Variants in DOCK7 observed in about 807,000 individuals in gnomAD.
DOCK7 encodes the protein dedicator of cytokinesis 7, also known as dedicator of cytokinesis protein 7.
In DOCK7, 138 loss-of-function variants were observed where a neutral mutation model predicts 271.0. The observed-to-expected ratio is 0.51, with a 90% CI of 0.44 to 0.59. The LOEUF (loss-of-function observed/expected upper bound fraction) is 0.59, where lower values mean the gene tolerates loss of function less well. Ranked by LOEUF, DOCK7 falls within the 20% of genes least tolerant of loss-of-function variation. The pLI is 0.00. For synonymous variants in DOCK7, 823 were observed against 876.1 expected, an observed-to-expected ratio of 0.94 and a Z score of 1.07; for missense variants, 2,066 against 2,592.4, an observed-to-expected ratio of 0.80 and a Z score of 4.41.
At chr1:62,539,040 G>A (rs1315954707) in intron 27 of DOCK7, among the ~76,000 whole-genome samples, 1 of 152,170 alleles carries the variant, frequency 6.6e-6, no homozygotes, top group East Asian at 1.9e-4. Context: ...AGCTATGTTT[G>A]GAAAAGTTCC....
At chr1:62,647,928 T>C in intron 6 of DOCK7, 152 bp from the exon 7 acceptor site, 1 of 821,140 alleles carries the variant, frequency 1.2e-6, no homozygotes, top group Non-Finnish European at 1.9e-6. Context: ...AGAAGTCATT[T>C]GATTATAACT....
chr1:62,678,331 C>A (rs1305807552), intron 1 of DOCK7, among the ~76,000 whole-genome samples: 6 of 152,016 alleles, frequency 3.9e-5, no homozygotes, highest in Non-Finnish European at 8.8e-5. Flanking sequence ...ATATGGTTGT[C>A]TACACAGAAA....
At chr1:62,473,431 T>C (rs1323452438) in intron 48 of DOCK7, among the ~76,000 whole-genome samples, 1 of 152,224 alleles carries the variant, frequency 6.6e-6, no homozygotes, top group East Asian at 1.9e-4. Context: ...TAAAATTTCC[T>C]GAGCCTTGGC....
At chr1:62,611,426 C>T (rs1055631859) in intron 14 of DOCK7, among the ~76,000 whole-genome samples, 30 of 152,150 alleles carry the variant, frequency 2.0e-4, no homozygotes, top group Non-Finnish European at 3.4e-4. Flanking sequence ...ATCCAAAATG[C>T]TTCAACGAGA....
At chr1:62,663,195 T>C in intron 1 of DOCK7, 65 bp from the exon 2 acceptor site, 1 of 1,238,568 alleles carries the variant, frequency 8.1e-7, no homozygotes, top group Non-Finnish European at 1.1e-6. Flanking sequence ...TAGTTTAAAA[T>C]GGAGGGAAGC....
At chr1:62,633,791 A>G (rs1426668893) in intron 9 of DOCK7, 1 of 486,418 alleles carries the variant, frequency 2.1e-6, no homozygotes, top group Non-Finnish European at 3.7e-6. Context: ...CTACCATAAT[A>G]AAGGCCATAT....
intron 18 of DOCK7, 52 bp downstream of exon 18, chr1:62,577,210 T>TA: frequency 8.4e-7 from 1 of 1,189,894 alleles, no homozygotes; most frequent in Non-Finnish European, 1.1e-6. Context: ...ATCTTTATAG[T>TA]AAAAAACCCA....
rs565279036 is a variant in DOCK7 at position 62,687,916 on chromosome 1, A to G, written c.38+311T>C. Reference sequence around the variant, plus strand: ...GGGAAGCGGCCGACCGCCCTTCCATAAACCTCCGCAGAAGTCCAGGCCCGG... The same window carrying G: ...GGGAAGCGGCCGACCGCCCTTCCATGAACCTCCGCAGAAGTCCAGGCCCGG... On this transcript the variant is annotated intron_variant, in intron 1 of 49. Coordinates refer to ENST00000635253, the MANE Select transcript of DOCK7 (RefSeq NM_001367561.1). Among the ~76,000 whole-genome samples the G allele has an allele frequency of 1.8e-3, 272 of 152,276 alleles. 2 individuals carry two copies. Among genetic ancestry groups the G allele is most frequent in the African/African-American group, 5.9e-3 (246 of 41,584 alleles).
Position 62,648,462 on chromosome 1 carries a change from A to G in DOCK7, c.472T>C (p.Phe158Leu). Reference sequence around the variant, plus strand: ...CCATCTGGAGCTTCATCAGATTCAAAAACTTGTTTTGGCAAACCTTTTTGC... The same window carrying G: ...CCATCTGGAGCTTCATCAGATTCAAGAACTTGTTTTGGCAAACCTTTTTGC... Reference protein sequence around the residue: ...ERQKGLPKQVFESDEAPDGNS... With the variant: ...ERQKGLPKQVLESDEAPDGNS... Residue 158 changes from phenylalanine to leucine, a missense_variant, in exon 5 of 50, where the codon TTT becomes CTT. This residue lies in a region of DOCK7 where 1,414 missense variants were observed against 1,670.4 expected (regional missense o/e 0.85). Coordinates refer to ENST00000635253, the MANE Select transcript of DOCK7 (RefSeq NM_001367561.1). The G allele has an allele frequency of 5.8e-6, 9 of 1,547,740 alleles. No individual in the cohort carries two copies. The highest frequency in any genetic ancestry group is 5.2e-6 in the Non-Finnish European group (6 of 1,144,980).
rs1323643844 is a variant in DOCK7 at position 62,538,065 on chromosome 1, G to A, written c.3301-4C>T. 1.2e-6 allele frequency: 2 copies of A among 1,612,122 alleles called. No individual in the cohort carries two copies. The highest frequency in any genetic ancestry group is 3.3e-5 in the Admixed American group (2 of 59,840). On this transcript the variant is annotated splice_region_variant and splice_polypyrimidine_tract_variant and intron_variant, in intron 27 of 49. Transcript: ENST00000635253. ...ATGAGTAAAGCTTTGAAGACACCTT[G>A]TAAGCAATGCATAAGTAAGAGAACA... is the stretch of plus-strand genomic sequence containing the variant.
At chr1:62,584,741 C>T in intron 15 of DOCK7, 1 of 891,202 alleles carries the variant, frequency 1.1e-6, no homozygotes, top group Non-Finnish European at 1.8e-6. Flanking sequence ...CCTCAAGGAG[C>T]TCACAATCTA....
At chr1:62,551,058 A>C (rs534169225) in intron 22 of DOCK7, among the ~76,000 whole-genome samples, 1 of 152,168 alleles carries the variant, frequency 6.6e-6, no homozygotes, top group African/African-American at 2.4e-5. Flanking sequence ...ACAGACATTA[A>C]GCTGGCTAAG....
Position 62,475,260 on chromosome 1 carries a change from G to C in DOCK7, c.6053C>G (p.Pro2018Arg). The C allele has an allele frequency of 6.2e-7, 1 of 1,613,902 alleles. No homozygotes were observed. Among genetic ancestry groups the C allele is most frequent in the Non-Finnish European group, 8.5e-7 (1 of 1,179,918 alleles). Reference sequence around the variant, plus strand: ...CTGGAGTACCATCTGAAGCATTTTGGGGTCTGCGGGATCCTGATGTGTTGC... The same window carrying C: ...CTGGAGTACCATCTGAAGCATTTTGCGGTCTGCGGGATCCTGATGTGTTGC... ...AFATHQDPAD[P>R]KMLQMVLQGS... Residue 2018 changes from proline to arginine, a missense_variant, in exon 47 of 50, where the codon CCC becomes CGC. By Grantham distance (103) the Pro-to-Arg change is moderately radical. Around this residue, in one of 2 missense-constraint regions of DOCK7, gnomAD observed 652 missense variants for 922.1 expected, o/e 0.71. Transcript: ENST00000635253.
chr1:62,464,953 G>A (rs1377128645), intron 48 of DOCK7, among the ~76,000 whole-genome samples: 1 of 152,142 alleles, frequency 6.6e-6, no homozygotes, highest in Non-Finnish European at 1.5e-5. Context: ...TAAAGTATAT[G>A]AAGATACTAG....
chr1:62,555,975 C>T lies in DOCK7; in HGVS notation c.2446G>A (p.Ala816Thr), dbSNP rs775810513. ...ATTGATGCCATGGCTTCAAAAGATG[C>T]TTGACCTAGGTTAACTTTTAAGAAA... is the stretch of plus-strand genomic sequence containing the variant. ...IAGQIVNLGQ[A>T]SFEAMASIIN... The change falls in exon 21 of 50, where the codon GCA becomes ACA. Residue 816 changes from alanine (A) to threonine (T), a missense_variant. By Grantham distance (58) the Ala-to-Thr change is moderately conservative. Transcript: ENST00000635253. The T allele has an allele frequency of 1.9e-6, 3 of 1,613,490 alleles. No individual in the cohort carries two copies. In the Admixed American group the frequency reaches 5.0e-5, roughly 27 times the overall value.
intron 4 of DOCK7, 72 bp downstream of exon 4, chr1:62,653,653 T>C (rs1050389334): frequency 2.0e-6 from 2 of 1,001,728 alleles, no homozygotes; most frequent in Non-Finnish European, 3.1e-6. Context: ...TCATAAACAT[T>C]ACGAATCTGC....
intron 1 of DOCK7, among the ~76,000 whole-genome samples, chr1:62,669,605 C>T (rs1659700873): frequency 6.6e-6 from 1 of 152,234 alleles, no homozygotes; most frequent in Non-Finnish European, 1.5e-5. Context: ...TTGTGATAAC[C>T]AAGCAATACC....
Position 62,553,346 on chromosome 1 carries a change from ATATATATATTTTTTTTTTTTTTTTTTT to A in DOCK7, c.2597-472_2597-446del, listed in dbSNP as rs1478255864. Among the ~76,000 whole-genome samples, 73 of 24,392 alleles carry A rather than the reference ATATATATATTTTTTTTTTTTTTTTTTT, an allele frequency of 3.0e-3. 1 individual carries two copies. The highest frequency in any genetic ancestry group is 0.012 in the East Asian group (8 of 650). 16.0% of individuals were successfully genotyped at this position (24,392 alleles called of 152,430 possible). A position where few individuals can be genotyped will look rare whatever the true frequency, so the allele number is the denominator to read the frequency against. On this transcript the variant is annotated intron_variant, in intron 21 of 49. Transcript: ENST00000635253. ...TATATATATATATATATATATATATATATATATATTTTTTTTTTTTTTTTTTTTTTTTTTTTTTTAATAGGCAGGTGC... is the reference window on the plus strand; with the variant it reads ...TATATATATATATATATATATATATATTTTTTTTTTTTAATAGGCAGGTGC...
chr1:62,625,174 T>C, intron 12 of DOCK7, 85 bp downstream of exon 12: 1 of 1,322,226 alleles, frequency 7.6e-7, no homozygotes. Context: ...CTCCCATACA[T>C]GTATAGTACA....
Sources: allele counts gnomAD v4.1 joint callset (sites outside exome capture counted in the v4.1 genomes callset), GRCh38; gene constraint gnomAD v4.1.1; regional missense constraint gnomAD v4.1.1; transcripts MANE v1.5; gene names NCBI Gene and HGNC (gene_info 2026-07-23, HGNC 2026-07-21).